The following CPQ variants were observed in gnomAD, a reference collection of about 807,000 sequenced individuals.
CPQ encodes the protein Ser-Met dipeptidase.
A neutral mutation model predicts 45.7 loss-of-function variants in CPQ; 37 were observed. The ratio of observed to expected loss-of-function variants is 0.81; its 90% CI spans 0.62 to 1.07. The LOEUF (loss-of-function observed/expected upper bound fraction) is 1.07. Ranked by LOEUF, CPQ falls within the 50% of genes least tolerant of loss-of-function variation. The pLI is 0.00. For missense variants in CPQ, 537 were observed against 572.9 expected (o/e 0.94, Z 0.64); for synonymous variants, 186 against 205.8 (o/e 0.90, Z 0.82).
In CPQ at chr8:96,759,041, A is replaced by G. The variant is rs186033725; in HGVS notation, c.-34-25823A>G. Among the ~76,000 whole-genome samples, 5 of 152,274 alleles carry G rather than the reference A, an allele frequency of 3.3e-5. No individual in the cohort carries two copies. The East Asian group carries it at 9.7e-4, about 29-fold the overall frequency. On this transcript the variant is annotated intron_variant, in intron 1 of 7. Transcript: ENST00000220763. ...GGACAAAGTTCGAGTAATATTTTCT[A>G]CGGAGAGCTTGGAACTCAGACGTCT... is the stretch of plus-strand genomic sequence containing the variant.
rs1563492662 is a variant in CPQ at position 96,770,726 on chromosome 8, A to AT, written c.-34-14138_-34-14137insT. Among the ~76,000 whole-genome samples, 60 of 146,874 alleles carry AT rather than the reference A, an allele frequency of 4.1e-4. No individual in the cohort carries two copies. The East Asian group carries it at 6.7e-3, about 16-fold the overall frequency. ...TATATATATATATTATATATATATA[A>AT]AATATATAATATGTACATATATAGT... is the stretch of plus-strand genomic sequence containing the variant. On this transcript the variant is annotated intron_variant, in intron 1 of 7. Transcript: ENST00000220763.
At chr8:96,776,693 AGATTT>A (rs1312452062) in intron 1 of CPQ, among the ~76,000 whole-genome samples, 1 of 152,160 alleles carries the variant, frequency 6.6e-6, no homozygotes, top group Non-Finnish European at 1.5e-5. Context: ...GTTTGCTTCC[AGATTT>A]AAGTAGAAAA....
intron 2 of CPQ, among the ~76,000 whole-genome samples, chr8:96,823,750 G>A (rs931468628): frequency 2.6e-5 from 4 of 152,106 alleles, no homozygotes; most frequent in African/African-American, 9.6e-5. Context: ...TTATAGGGCT[G>A]TCGAGAGAAT....
At chr8:96,717,024 AATATATATAT>A (rs58338307) in intron 1 of CPQ, among the ~76,000 whole-genome samples, 823 of 56,486 alleles carry the variant, frequency 0.015, 8 homozygotes, top group Admixed American at 0.016. Flanking sequence ...CCATGATATA[AATATATATAT>A]ATATATATAT....
At chr8:96,999,558 A>G (rs1485529647) in intron 5 of CPQ, among the ~76,000 whole-genome samples, 1 of 152,102 alleles carries the variant, frequency 6.6e-6, no homozygotes, top group African/African-American at 2.4e-5. Flanking sequence ...TGTCCCTGCA[A>G]AGAACATGAT....
At chr8:96,842,053 C>T (rs1403000094) in intron 3 of CPQ, among the ~76,000 whole-genome samples, 1 of 152,190 alleles carries the variant, frequency 6.6e-6, no homozygotes, top group East Asian at 1.9e-4. Context: ...TGAGATTTCA[C>T]ATGAACATTT....
chr8:96,878,092 A>G (rs1489516171), intron 3 of CPQ, among the ~76,000 whole-genome samples: 2 of 151,864 alleles, frequency 1.3e-5, no homozygotes, highest in Non-Finnish European at 2.9e-5. Context: ...TATACCTGTA[A>G]TCTCTGGGGA....
chr8:96,678,095 T>A (rs1369637512), intron 1 of CPQ, among the ~76,000 whole-genome samples: 1 of 152,140 alleles, frequency 6.6e-6, no homozygotes, highest in African/African-American at 2.4e-5. Context: ...TAATTTGAAG[T>A]TGGGTAATGG....
intron 2 of CPQ, among the ~76,000 whole-genome samples, chr8:96,823,165 G>A (rs1440410082): frequency 1.3e-5 from 2 of 151,910 alleles, no homozygotes; most frequent in East Asian, 3.9e-4. Flanking sequence ...CTAGAAAATG[G>A]GGTCTTTTTA....
At chr8:96,702,295 A>G (rs1319852628) in intron 1 of CPQ, among the ~76,000 whole-genome samples, 1 of 152,114 alleles carries the variant, frequency 6.6e-6, no homozygotes, top group Non-Finnish European at 1.5e-5. Flanking sequence ...AACTCTTTGA[A>G]GGAGGGGGAT....
chr8:97,127,193 T>C (rs77382723), intron 7 of CPQ, among the ~76,000 whole-genome samples: 4,785 of 152,182 alleles, frequency 0.031, 253 homozygotes, highest in African/African-American at 0.11. Flanking sequence ...TTTCCACTCT[T>C]TGGAAGATAT....
chr8:96,878,079 C>T (rs1172062260), intron 3 of CPQ, among the ~76,000 whole-genome samples: 4 of 152,170 alleles, frequency 2.6e-5, no homozygotes, highest in African/African-American at 7.2e-5. Context: ...TCTCCTTCCT[C>T]GCTATACCTG....
At chr8:97,035,047 C>G (rs1809974201) in intron 6 of CPQ, among the ~76,000 whole-genome samples, 1 of 152,066 alleles carries the variant, frequency 6.6e-6, no homozygotes, top group South Asian at 2.1e-4. Flanking sequence ...CGTGTGCCAC[C>G]ACACCCGGCT....
intron 1 of CPQ, among the ~76,000 whole-genome samples, chr8:96,719,434 C>T (rs914405903): frequency 9.2e-5 from 14 of 152,310 alleles, no homozygotes; most frequent in East Asian, 5.8e-4. Context: ...CCGCAAGCAC[C>T]GCACGCAGTC....
At position 96,675,830 on chromosome 8, in the gene CPQ, A is replaced by C. The variant is rs199625777; in HGVS notation, c.-35+30428A>C. The stretch of plus-strand genomic sequence containing the variant: ...CATTTGTATTTTCTATGAACTGTTT[A>C]TATATTTTCTTGCTTTTAGAAAATA... On this transcript the variant is annotated intron_variant, in intron 1 of 7. Transcript: ENST00000220763. Among the ~76,000 whole-genome samples, 23 of 152,066 alleles carry C rather than the reference A, an allele frequency of 1.5e-4. No homozygotes were observed. In the East Asian group the frequency reaches 3.5e-3, roughly 23 times the overall value.
chr8:97,073,054 C>T (rs138870257), intron 7 of CPQ, among the ~76,000 whole-genome samples: 2 of 152,276 alleles, frequency 1.3e-5, no homozygotes, highest in African/African-American at 4.8e-5. Context: ...AACGACATCA[C>T]TCATTGAGCT....
intron 5 of CPQ, among the ~76,000 whole-genome samples, chr8:96,967,261 C>CTTGA (rs1486973892): frequency 6.6e-6 from 1 of 152,140 alleles, no homozygotes; most frequent in African/African-American, 2.4e-5. Context: ...GTTCAATCAG[C>CTTGA]TTGATTGGAA....
At chr8:96,730,214 C>T (rs1809892337) in intron 1 of CPQ, among the ~76,000 whole-genome samples, 2 of 152,142 alleles carry the variant, frequency 1.3e-5, no homozygotes, top group Admixed American at 1.3e-4. Context: ...TAGCACAGAA[C>T]TTGAGGATAT....
intron 4 of CPQ, among the ~76,000 whole-genome samples, chr8:96,929,610 T>C (rs1212101127): frequency 6.6e-6 from 1 of 152,224 alleles, no homozygotes; most frequent in Non-Finnish European, 1.5e-5. Context: ...ACATGGCTTC[T>C]CACCAATTCT....
Sources: allele counts gnomAD v4.1 joint callset (sites outside exome capture counted in the v4.1 genomes callset), GRCh38; gene constraint gnomAD v4.1.1; transcripts MANE v1.5; gene names NCBI Gene and HGNC (gene_info 2026-07-23, HGNC 2026-07-21).